NOP58: variants seen among roughly 807,000 people sequenced by gnomAD.
The protein encoded by NOP58 is NOP58 ribonucleoprotein, also known as nucleolar protein 58.
Under a neutral mutation model 71.2 loss-of-function variants are expected in NOP58, and 44 were observed. The observed-to-expected ratio is 0.62, with a 90% CI of 0.49 to 0.79. NOP58 has a LOEUF of 0.79. Among genes scored for constraint, NOP58 ranks in the 30% least tolerant of loss-of-function variants. The pLI is 0.00. For missense variants in NOP58, 538 were observed against 620.2 expected (o/e 0.87, Z 1.41); for synonymous variants, 228 against 200.3 (o/e 1.14, Z -1.17).
chr2:202,276,514 A>G (rs1688593428), intron 2 of NOP58: 1 of 513,096 alleles, frequency 1.9e-6, no homozygotes, highest in Admixed American at 2.0e-5. Flanking sequence ...TGAGACAACG[A>G]TGAATCAACT....
At chr2:202,278,360 C>T (rs545303872) in intron 3 of NOP58, 1 of 461,412 alleles carries the variant, frequency 2.2e-6, no homozygotes, top group South Asian at 1.6e-5. Context: ...GCTCTCTCCT[C>T]ATTTTAATCC....
At chr2:202,303,271 G>T in intron 14 of NOP58, 115 bp from the exon 15 acceptor site, 1 of 1,455,052 alleles carries the variant, frequency 6.9e-7, no homozygotes, top group South Asian at 1.4e-5. Flanking sequence ...TTGAGGGGAG[G>T]AGTATGATTT....
At chr2:202,285,283 C>G (rs1018558991) in intron 5 of NOP58, among the ~76,000 whole-genome samples, 1 of 151,682 alleles carries the variant, frequency 6.6e-6, no homozygotes, top group African/African-American at 2.4e-5. Context: ...CTCAAATGAT[C>G]CATCCGCCTT....
At chr2:202,299,098 T>A (rs1162128494) in intron 12 of NOP58, among the ~76,000 whole-genome samples, 5 of 151,778 alleles carry the variant, frequency 3.3e-5, no homozygotes, top group Admixed American at 3.3e-4. Flanking sequence ...TAGCTAGGAT[T>A]ACAGGCATAC....
chr2:202,272,149 ATT>A (rs570916461), intron 1 of NOP58, among the ~76,000 whole-genome samples: 11,317 of 110,888 alleles, frequency 0.1, 1,566 homozygotes, highest in African/African-American at 0.37. Context: ...CTGATGTATA[ATT>A]TTTTTTTTTT....
In NOP58 at chr2:202,283,126, TCA is replaced by T. The variant is rs537200335; in HGVS notation, c.297+657_297+658del. ...TAATTGGGAGTGCAGTGGCGCAGTC[TCA>T]CAGCTCACTGCAGACTTGACCTCCT... On this transcript the variant is annotated intron_variant, in intron 4 of 14. Transcript: ENST00000264279. Among the ~76,000 whole-genome samples the T allele has an allele frequency of 9.5e-4, 145 of 152,336 alleles. 1 individual carries two copies. In the Middle Eastern group the frequency reaches 0.027, roughly 29 times the overall value.
rs1250961530 is a variant in NOP58, at chr2:202,293,189, C to T, written c.907+286C>T. On this transcript the variant is annotated intron_variant, in intron 9 of 14. Coordinates refer to ENST00000264279, the MANE Select transcript of NOP58 (RefSeq NM_015934.5). ...GTTAATTAGAACAATCGGATGAATG[C>T]AGGAGGATAAAACAGTTAACATTTT... 3 of 597,088 alleles carry T rather than the reference C, an allele frequency of 5.0e-6. No homozygotes were observed. The African/African-American group carries it at 5.5e-5, about 11-fold the overall frequency. 37.0% of individuals were successfully genotyped at this position (597,088 alleles called of 1,614,324 possible).
chr2:202,300,189 C>G (rs757952899), intron 12 of NOP58, 45 bp from the exon 13 acceptor site: 1 of 1,489,512 alleles, frequency 6.7e-7, no homozygotes. Flanking sequence ...TATTTCAATT[C>G]CAGATACTTG....
intron 9 of NOP58, among the ~76,000 whole-genome samples, chr2:202,294,683 G>A (rs987890540): frequency 1.3e-5 from 2 of 152,148 alleles, no homozygotes; most frequent in African/African-American, 4.8e-5. Flanking sequence ...ATGCCAGCAG[G>A]GCCGGGTGTG....
At chr2:202,287,792 T>A in intron 6 of NOP58, 68 bp downstream of exon 6, 1 of 1,165,510 alleles carries the variant, frequency 8.6e-7, no homozygotes, top group Non-Finnish European at 1.3e-6. Flanking sequence ...CTGTTGAAAC[T>A]ATCTTTTATG....
At chr2:202,303,225 C>G (rs1175563292) in intron 14 of NOP58, among the ~76,000 whole-genome samples, 161 bp from the exon 15 acceptor site, 4 of 152,030 alleles carry the variant, frequency 2.6e-5, no homozygotes, top group Non-Finnish European at 4.4e-5. Context: ...GGCCATTTCC[C>G]AAATCTAGAA....
At chr2:202,266,146 C>G (rs1271130064) in intron 1 of NOP58, among the ~76,000 whole-genome samples, 160 bp downstream of exon 1, 2 of 152,080 alleles carry the variant, frequency 1.3e-5, no homozygotes, top group Admixed American at 1.3e-4. Context: ...AGCCATGTTA[C>G]GTGTAACACG....
chr2:202,271,967 A>G (rs916624624), intron 1 of NOP58, among the ~76,000 whole-genome samples: 11 of 152,238 alleles, frequency 7.2e-5, no homozygotes, highest in South Asian at 2.1e-4. Context: ...CAGCTAGTAA[A>G]TTTAAAACTA....
At chr2:202,282,035 T>G (rs1371947630) in intron 3 of NOP58, among the ~76,000 whole-genome samples, 1 of 152,168 alleles carries the variant, frequency 6.6e-6, no homozygotes, top group Non-Finnish European at 1.5e-5. Context: ...GGAAAGTGAG[T>G]CTGTTTTGTC....
Position 202,284,428 on chromosome 2 carries a change from C to T in NOP58, c.381C>T (p.Ile127=). Residue 127 remains isoleucine (I), a synonymous_variant, in exon 5 of 15, where the codon ATC becomes ATT. Coordinates refer to ENST00000264279, the MANE Select transcript of NOP58 (RefSeq NM_015934.5). ...TTCGTTCACAAATGGATGGATTAAT[C>T]CCTGGGGTAGAACCACGTGAAATGG... ...RGIRSQMDGL[I]PGVEPREMAA... 9 of 1,613,856 alleles carry T rather than the reference C, an allele frequency of 5.6e-6. No homozygotes were observed. Among genetic ancestry groups the T allele is most frequent in the Middle Eastern group, 1.6e-4 (1 of 6,062 alleles).
intron 2 of NOP58, 168 bp downstream of exon 2, chr2:202,275,357 A>C: frequency 1.9e-6 from 1 of 533,572 alleles, no homozygotes; most frequent in Non-Finnish European, 3.4e-6. Context: ...TTTACTTGGA[A>C]TATAGGCCAT....
intron 12 of NOP58, 130 bp from the exon 13 acceptor site, chr2:202,300,104 A>G (rs1689065774): frequency 1.3e-6 from 1 of 774,952 alleles, no homozygotes; most frequent in Non-Finnish European, 2.1e-6. Flanking sequence ...AACTACCCCA[A>G]AGCCACTAAA....
chr2:202,285,288 C>G (rs1381110098), intron 5 of NOP58, among the ~76,000 whole-genome samples: 4 of 151,684 alleles, frequency 2.6e-5, no homozygotes, highest in African/African-American at 9.7e-5. Flanking sequence ...ATGATCCATC[C>G]GCCTTGGCCT....
At chr2:202,282,531 C>G in intron 4 of NOP58, 59 bp downstream of exon 4, 1 of 1,532,846 alleles carries the variant, frequency 6.5e-7, no homozygotes, top group Non-Finnish European at 8.8e-7. Flanking sequence ...ATACCAACTA[C>G]AAAGCCTAGC....
Sources: gnomAD v4.1 joint callset for allele counts (sites outside exome capture counted in the v4.1 genomes callset) on GRCh38, gnomAD v4.1.1 for gene constraint, MANE v1.5 for transcripts, NCBI Gene and HGNC (gene_info 2026-07-23, HGNC 2026-07-21) for gene names.